Variants in ARHGAP42 observed in about 807,000 individuals in gnomAD.
The protein encoded by ARHGAP42 is rho GTPase-activating protein 42.
Under a neutral mutation model 125.0 loss-of-function variants are expected in ARHGAP42, and 63 were observed. The ratio of observed to expected loss-of-function variants is 0.50; its 90% CI spans 0.41 to 0.62. The LOEUF (loss-of-function observed/expected upper bound fraction) is 0.62. ARHGAP42 is among the 20% of genes least tolerant of loss of function. The pLI is 0.00. For missense variants in ARHGAP42, 766 were observed against 1,024.2 expected, an observed-to-expected ratio of 0.75 and a Z score of 3.44; for synonymous variants, 339 against 351.0, an observed-to-expected ratio of 0.97 and a Z score of 0.38.
At chr11:100,774,480 G>C (rs7123718) in intron 2 of ARHGAP42, among the ~76,000 whole-genome samples, 16,550 of 152,190 alleles carry the variant, frequency 0.11, 946 homozygotes, top group African/African-American at 0.14. Context: ...GCTGGAGTAG[G>C]CTTGAGACCT....
intron 21 of ARHGAP42, among the ~76,000 whole-genome samples, chr11:100,977,536 G>A (rs1438125245): frequency 6.6e-6 from 1 of 152,192 alleles, no homozygotes; most frequent in African/African-American, 2.4e-5. Context: ...ACATAGACAT[G>A]AGTAGAAAGT....
chr11:100,881,670 T>G (rs1315019597), intron 4 of ARHGAP42, among the ~76,000 whole-genome samples: 1 of 152,230 alleles, frequency 6.6e-6, no homozygotes, highest in African/African-American at 2.4e-5. Context: ...CTTTTGGCAC[T>G]ATGGTCACTT....
At chr11:100,751,874 G>A (rs896260378) in intron 1 of ARHGAP42, among the ~76,000 whole-genome samples, 2 of 144,718 alleles carry the variant, frequency 1.4e-5, no homozygotes, top group Admixed American at 7.4e-5. Flanking sequence ...CTGCCTCCCA[G>A]GTTCAAGCAA....
At chr11:100,883,085 A>G (rs1000623317) in intron 4 of ARHGAP42, among the ~76,000 whole-genome samples, 2 of 151,500 alleles carry the variant, frequency 1.3e-5, no homozygotes, top group Non-Finnish European at 2.9e-5. Flanking sequence ...TTTTTGTTTC[A>G]ATTTCAAAAT....
chr11:100,939,322 G>A (rs759969357), intron 8 of ARHGAP42, among the ~76,000 whole-genome samples: 7 of 151,988 alleles, frequency 4.6e-5, no homozygotes, highest in Admixed American at 4.6e-4. Flanking sequence ...GATGTCATAT[G>A]TAAAATGTCT....
intron 2 of ARHGAP42, among the ~76,000 whole-genome samples, chr11:100,775,706 T>C (rs1022179507): frequency 1.3e-5 from 2 of 152,200 alleles, no homozygotes; most frequent in Admixed American, 1.3e-4. Flanking sequence ...TATAGGATAA[T>C]AAAAGACTTT....
intron 1 of ARHGAP42, among the ~76,000 whole-genome samples, chr11:100,703,618 G>A (rs1861432583): frequency 6.6e-6 from 1 of 152,134 alleles, no homozygotes; most frequent in Admixed American, 6.5e-5. Flanking sequence ...GTTTTGATTT[G>A]CCTTTTAAAA....
intron 15 of ARHGAP42, 65 bp downstream of exon 15, chr11:100,961,833 A>G: frequency 7.4e-7 from 1 of 1,349,236 alleles, no homozygotes. Context: ...AGTAGTAACC[A>G]CGTGATTTCT....
chr11:100,969,369 A>G (rs1359693421), intron 17 of ARHGAP42, among the ~76,000 whole-genome samples: 1 of 151,948 alleles, frequency 6.6e-6, no homozygotes, highest in African/African-American at 2.4e-5. Flanking sequence ...GAGTTTGTTG[A>G]GCTTCTTGGA....
chr11:100,688,324 T>C (rs1194655682), intron 1 of ARHGAP42, among the ~76,000 whole-genome samples: 1 of 152,206 alleles, frequency 6.6e-6, no homozygotes, highest in Non-Finnish European at 1.5e-5. Flanking sequence ...AAGCATACAT[T>C]TGCAGTTTTG....
intron 3 of ARHGAP42, among the ~76,000 whole-genome samples, chr11:100,818,588 G>A (rs950069017): frequency 1.3e-5 from 2 of 152,150 alleles, no homozygotes; most frequent in Non-Finnish European, 2.9e-5. Context: ...AGAAAGGACT[G>A]TTCAGCTGAG....
chr11:100,835,966 A>G (rs1332263238), intron 3 of ARHGAP42, among the ~76,000 whole-genome samples: 1 of 152,090 alleles, frequency 6.6e-6, no homozygotes, highest in Non-Finnish European at 1.5e-5. Context: ...TTAATGTGAT[A>G]ATGAAGCCAG....
chr11:100,745,729 G>T (rs1166266505), intron 1 of ARHGAP42, among the ~76,000 whole-genome samples: 7 of 152,098 alleles, frequency 4.6e-5, no homozygotes, highest in Admixed American at 4.6e-4. Context: ...CGTGTCTAAG[G>T]CTATCCTATT....
Position 100,960,232 on chromosome 11 carries a change from A to AT in ARHGAP42, c.1225+298dup, listed in dbSNP as rs10644950. Among the ~76,000 whole-genome samples, 1,093 of 147,454 alleles carry AT rather than the reference A, an allele frequency of 7.4e-3. 7 individuals are homozygous for AT. The highest frequency in any genetic ancestry group is 0.011 in the Non-Finnish European group (753 of 66,888). ...ATTTATTACTGCAAGCACCTCTTTG[A>AT]TTTTTTTTTTTCCAAGCATTAAGGA... On this transcript the variant is annotated intron_variant, in intron 13 of 23. Coordinates refer to ENST00000298815, the MANE Select transcript of ARHGAP42 (RefSeq NM_152432.4).
chr11:100,868,460 T>C (rs1405342333), intron 4 of ARHGAP42, among the ~76,000 whole-genome samples: 1 of 152,186 alleles, frequency 6.6e-6, no homozygotes, highest in Admixed American at 6.5e-5. Flanking sequence ...AACCAGCCTA[T>C]TAAATAACCG....
chr11:100,779,215 G>A (rs975113557), intron 2 of ARHGAP42, among the ~76,000 whole-genome samples: 2 of 151,724 alleles, frequency 1.3e-5, no homozygotes, highest in African/African-American at 4.8e-5. Flanking sequence ...GGGAGGCCAA[G>A]GTGGGTGGAT....
chr11:100,728,048 T>G (rs1861891223), intron 1 of ARHGAP42, among the ~76,000 whole-genome samples: 1 of 152,176 alleles, frequency 6.6e-6, no homozygotes, highest in Non-Finnish European at 1.5e-5. Context: ...GAGAATTGGT[T>G]GGTGAAAGGA....
intron 1 of ARHGAP42, among the ~76,000 whole-genome samples, chr11:100,699,699 T>G (rs1461306339): frequency 6.6e-6 from 1 of 151,244 alleles, no homozygotes; most frequent in Non-Finnish European, 1.5e-5. Flanking sequence ...ATTTTTGTAT[T>G]TTTAGTACAT....
At chr11:100,695,028 C>A (rs1304941515) in intron 1 of ARHGAP42, among the ~76,000 whole-genome samples, 1 of 152,160 alleles carries the variant, frequency 6.6e-6, no homozygotes, top group Non-Finnish European at 1.5e-5. Flanking sequence ...GAGACTGTCT[C>A]AAAAAGAAGT....
Sources: gnomAD v4.1 joint callset for allele counts (sites outside exome capture counted in the v4.1 genomes callset) on GRCh38, gnomAD v4.1.1 for gene constraint, MANE v1.5 for transcripts, NCBI Gene and HGNC (gene_info 2026-07-23, HGNC 2026-07-21) for gene names.